CNTNAP2: variants seen among roughly 807,000 people sequenced by gnomAD.
The protein encoded by CNTNAP2 is contactin associated protein 2.
A neutral mutation model predicts 155.2 loss-of-function variants in CNTNAP2; 98 were observed. The ratio of observed to expected loss-of-function variants is 0.63; its 90% CI spans 0.54 to 0.75. The LOEUF is 0.75. Ranked by LOEUF, CNTNAP2 falls within the 30% of genes least tolerant of loss-of-function variation. The probability of loss-of-function intolerance (pLI) is 0.00; values close to 1 mark genes in which losing one functional copy is unlikely to be tolerated. For synonymous variants in CNTNAP2, 651 were observed against 631.2 expected (o/e 1.03, Z -0.47); for missense variants, 1,727 against 1,688.1 (o/e 1.02, Z -0.40).
At chr7:147,943,576 C>G in intron 14 of CNTNAP2, among the ~76,000 whole-genome samples, 1 of 151,868 alleles carries the variant, frequency 6.6e-6, no homozygotes, top group Non-Finnish European at 1.5e-5. Flanking sequence ...CAAGACCAGC[C>G]TGGCCAACAT....
At chr7:147,535,940 G>A (rs1403118875) in intron 11 of CNTNAP2, among the ~76,000 whole-genome samples, 2 of 152,202 alleles carry the variant, frequency 1.3e-5, no homozygotes, top group Non-Finnish European at 2.9e-5. Flanking sequence ...TCAAGAGGCA[G>A]TCCTGGTATC....
At chr7:148,187,438 G>C (rs1385430018) in intron 18 of CNTNAP2, among the ~76,000 whole-genome samples, 1 of 152,168 alleles carries the variant, frequency 6.6e-6, no homozygotes. Context: ...TGAAATTCAT[G>C]CTTTGAATTA....
intron 3 of CNTNAP2, among the ~76,000 whole-genome samples, chr7:146,932,388 C>A (rs147854161): frequency 0.013 from 1,890 of 150,314 alleles, 11 homozygotes; most frequent in Non-Finnish European, 0.018. Context: ...ATTCAACAAC[C>A]CTTCATGCTA....
At chr7:146,535,790 C>T (rs1797859800) in intron 1 of CNTNAP2, among the ~76,000 whole-genome samples, 1 of 151,812 alleles carries the variant, frequency 6.6e-6, no homozygotes, top group East Asian at 1.9e-4. Flanking sequence ...TTGTAGTTCC[C>T]ATTGTCTATT....
At chr7:148,029,580 G>A (rs967725088) in intron 15 of CNTNAP2, among the ~76,000 whole-genome samples, 1 of 152,132 alleles carries the variant, frequency 6.6e-6, no homozygotes, top group African/African-American at 2.4e-5. Context: ...AAAACACGTT[G>A]GGTAAATGGA....
At chr7:146,688,061 G>T (rs1318325816) in intron 1 of CNTNAP2, among the ~76,000 whole-genome samples, 1 of 152,130 alleles carries the variant, frequency 6.6e-6, no homozygotes, top group African/African-American at 2.4e-5. Flanking sequence ...TCGCTGAAAA[G>T]ACATTGTTGG....
intron 13 of CNTNAP2, among the ~76,000 whole-genome samples, chr7:147,664,334 A>C (rs1167952945): frequency 6.6e-6 from 1 of 152,196 alleles, no homozygotes; most frequent in Non-Finnish European, 1.5e-5. Context: ...GAAGAAGAGA[A>C]CGCTGTTTCC....
At position 147,658,092 on chromosome 7, in the gene CNTNAP2, T is replaced by C. The variant is rs1192067461; in HGVS notation, c.2098+18786T>C. ...AAAAATGGTGAAACCCCGTCTCTAC[T>C]AAAAAATACAAAAAATTAGCCGGGC... On this transcript the variant is annotated intron_variant, in intron 13 of 23. Transcript: ENST00000361727. Among the ~76,000 whole-genome samples the C allele has an allele frequency of 1.4e-5, 2 of 140,512 alleles. 1 individual carries two copies. The highest frequency in any genetic ancestry group is 3.2e-5 in the Non-Finnish European group (2 of 63,318). The allele number at this position is 140,512 out of a possible 152,430, so 92.2% of individuals were successfully genotyped here.
rs528539589 is a variant in CNTNAP2, at chr7:147,599,204, C to T, written c.1897+36947C>T. Among the ~76,000 whole-genome samples, 7 of 152,058 alleles carry T rather than the reference C, an allele frequency of 4.6e-5. No individual in the cohort carries two copies. The East Asian group carries it at 1.4e-3, about 30-fold the overall frequency. On this transcript the variant is annotated intron_variant, in intron 12 of 23. Transcript: ENST00000361727. The stretch of plus-strand genomic sequence containing the variant: ...ATTAAAATGTACCATTGGTCAAGAG[C>T]AGTAGCTCACACCTGTAATCCTAGC...
intron 18 of CNTNAP2, among the ~76,000 whole-genome samples, chr7:148,210,992 T>C (rs1011305264): frequency 3.9e-5 from 6 of 152,252 alleles, no homozygotes; most frequent in Admixed American, 1.3e-4. Flanking sequence ...AGTTGTGCCA[T>C]GCAGATTGCC....
chr7:147,069,881 G>C (rs911275045), intron 4 of CNTNAP2, among the ~76,000 whole-genome samples: 2 of 152,138 alleles, frequency 1.3e-5, no homozygotes, highest in Non-Finnish European at 2.9e-5. Context: ...CTGAGAAACA[G>C]AATTTTTGTT....
At chr7:146,243,066 T>C (rs1563004307) in intron 1 of CNTNAP2, among the ~76,000 whole-genome samples, 1 of 121,862 alleles carries the variant, frequency 8.2e-6, no homozygotes, top group Non-Finnish European at 1.5e-5. Flanking sequence ...GTGATTTCTG[T>C]TTTTTAGTCT....
intron 12 of CNTNAP2, among the ~76,000 whole-genome samples, chr7:147,567,232 G>A (rs1488652213): frequency 1.3e-5 from 2 of 152,106 alleles, no homozygotes; most frequent in Non-Finnish European, 2.9e-5. Flanking sequence ...TCCCCAAAAC[G>A]GCTGACTCAT....
intron 13 of CNTNAP2, among the ~76,000 whole-genome samples, chr7:147,895,898 A>G (rs940348442): frequency 1.3e-5 from 2 of 152,230 alleles, no homozygotes; most frequent in African/African-American, 2.4e-5. Flanking sequence ...AAAGTCTACA[A>G]TTTCCTTTCT....
intron 22 of CNTNAP2, among the ~76,000 whole-genome samples, chr7:148,392,405 C>G (rs1799371437): frequency 6.6e-6 from 1 of 152,188 alleles, no homozygotes; most frequent in African/African-American, 2.4e-5. Flanking sequence ...TCTAGTAGGT[C>G]CAGGCTAGAT....
chr7:147,636,262 C>T (rs140037555), intron 12 of CNTNAP2, among the ~76,000 whole-genome samples: 65 of 152,204 alleles, frequency 4.3e-4, no homozygotes, highest in African/African-American at 1.5e-3. Flanking sequence ...GGAAAGTGCT[C>T]TAGCAGAGAG....
intron 1 of CNTNAP2, among the ~76,000 whole-genome samples, chr7:146,439,848 G>A (rs1457657862): frequency 6.6e-6 from 1 of 151,548 alleles, no homozygotes; most frequent in Non-Finnish European, 1.5e-5. Flanking sequence ...TCTCGGATAG[G>A]CGTGGTGGCT....
rs183620163 is a variant in CNTNAP2 at position 147,451,088 on chromosome 7, G to A, written c.1671-34847G>A. On this transcript the variant is annotated intron_variant, in intron 10 of 23. Coordinates refer to ENST00000361727, the MANE Select transcript of CNTNAP2 (RefSeq NM_014141.6). Reference sequence around the variant, plus strand: ...CTCATTTCTTCCACTATCTACCAACGTGCTGAGGGAAGAGTCAATATAAGA... The same window carrying A: ...CTCATTTCTTCCACTATCTACCAACATGCTGAGGGAAGAGTCAATATAAGA... 2.6e-5 allele frequency among the ~76,000 whole-genome samples: 4 copies of A among 152,252 alleles called. No homozygotes were observed. The East Asian group carries it at 5.8e-4, about 22-fold the overall frequency.
intron 1 of CNTNAP2, among the ~76,000 whole-genome samples, chr7:146,225,578 CCTT>C (rs145122626): frequency 0.03 from 4,519 of 152,174 alleles, 216 homozygotes; most frequent in African/African-American, 0.1. Flanking sequence ...TAGAAGAAAA[CCTT>C]CTACATATTA....
Sources: gnomAD v4.1 joint callset for allele counts (sites outside exome capture counted in the v4.1 genomes callset) on GRCh38, gnomAD v4.1.1 for gene constraint, MANE v1.5 for transcripts, NCBI Gene and HGNC (gene_info 2026-07-23, HGNC 2026-07-21) for gene names.